Variants in CFAP47 observed in about 807,000 individuals in gnomAD.
CFAP47 encodes cilia- and flagella-associated protein 47.
CFAP47 carries 29 observed loss-of-function variants against 148.1 expected under a neutral mutation model. That is an observed-to-expected ratio of 0.20 (90% CI 0.15 to 0.27). CFAP47 has a LOEUF of 0.27. Among genes scored for constraint, CFAP47 ranks in the 10% least tolerant of loss-of-function variants. CFAP47 has a pLI of 1.00. For synonymous variants in CFAP47, 664 were observed against 577.3 expected, an observed-to-expected ratio of 1.15 and a Z score of -2.15; for missense variants, 1,872 against 1,697.5, an observed-to-expected ratio of 1.10 and a Z score of -1.81.
chrX:36,012,656 G>T (rs1937052491), intron 21 of CFAP47, among the ~76,000 whole-genome samples: 1 of 110,909 alleles, frequency 9.0e-6, no homozygotes, highest in South Asian at 3.8e-4. Context: ...ACACAGTGGG[G>T]CCTGTTGGTG....
At chrX:35,971,061 G>T (rs1183912430) in intron 11 of CFAP47, 138 bp downstream of exon 11, 1 of 457,193 alleles carries the variant, frequency 2.2e-6, no homozygotes, top group African/African-American at 2.5e-5. Context: ...AAAACACTGA[G>T]CTGCTTTAAC....
chrX:36,060,564 A>G (rs1937585823), intron 26 of CFAP47, among the ~76,000 whole-genome samples: 2 of 111,935 alleles, frequency 1.8e-5, no homozygotes, highest in African/African-American at 6.5e-5. Context: ...AAATGAACAT[A>G]TATTTCTATA....
At chrX:36,304,929 C>T (rs1556008546) in intron 54 of CFAP47, among the ~76,000 whole-genome samples, 1 of 111,559 alleles carries the variant, frequency 9.0e-6, no homozygotes, top group Non-Finnish European at 1.9e-5. Context: ...TTCAGGTAAC[C>T]ATCAAAATGA....
chrX:36,060,150 C>A (rs1369374574), intron 26 of CFAP47, among the ~76,000 whole-genome samples: 4 of 111,456 alleles, frequency 3.6e-5, no homozygotes. Context: ...TCAGGTGTTT[C>A]TTATAGAAAT....
chrX:36,184,935 G>GA (rs781889464), intron 40 of CFAP47, among the ~76,000 whole-genome samples: 101 of 82,262 alleles, frequency 1.2e-3, no homozygotes, highest in Middle Eastern at 6.5e-3. Flanking sequence ...CTTCGTCTCA[G>GA]AAAAAAAAAA....
In CFAP47 at chrX:35,941,372, C is replaced by A. The variant is rs904731400; in HGVS notation, c.491C>A (p.Thr164Asn). The A allele has an allele frequency of 9.0e-7, 1 of 1,111,903 alleles. No individual in the cohort carries two copies. Among genetic ancestry groups the A allele is most frequent in the Non-Finnish European group, 1.2e-6 (1 of 831,645 alleles). The allele number at this position is 1,111,903 out of a possible 1,213,427, so 91.6% of individuals were successfully genotyped here. ...AGTAAAGTATATTCTAAAGAGATTA[C>A]TATCACTAACCATGGCAAAGCTCCA... ...ANSKVYSKEI[T>N]ITNHGKAPGI... Residue 164 changes from threonine (T) to asparagine (N), a missense_variant, in exon 3 of 64, where the codon ACT becomes AAT. Physicochemically the swap from Thr to Asn is moderately conservative, Grantham distance 65. Transcript: ENST00000378653.
At chrX:36,170,091 G>C (rs1160073291) in intron 39 of CFAP47, among the ~76,000 whole-genome samples, 2 of 111,320 alleles carry the variant, frequency 1.8e-5, no homozygotes, top group African/African-American at 6.5e-5. Flanking sequence ...GAGGATGGGA[G>C]TTACAACACA....
intron 22 of CFAP47, among the ~76,000 whole-genome samples, chrX:36,030,060 A>G (rs949951590): frequency 3.6e-5 from 4 of 109,808 alleles, no homozygotes; most frequent in African/African-American, 1.3e-4. Context: ...TAGTTCTTTA[A>G]TATCTATTGA....
At chrX:35,977,452 G>A (rs1175905639) in intron 15 of CFAP47, among the ~76,000 whole-genome samples, 2 of 110,953 alleles carry the variant, frequency 1.8e-5, no homozygotes, top group East Asian at 5.7e-4. Context: ...ACGATCCTCA[G>A]AGTAATAACC....
chrX:35,941,244 T>C, intron 2 of CFAP47, 39 bp from the exon 3 acceptor site: 1 of 754,424 alleles, frequency 1.3e-6, no homozygotes, highest in East Asian at 3.4e-5. Flanking sequence ...CTCTTATGAT[T>C]GTTAAATTAA....
At chrX:36,227,656 G>A (rs1319071934) in intron 45 of CFAP47, among the ~76,000 whole-genome samples, 3 of 111,974 alleles carry the variant, frequency 2.7e-5, no homozygotes, top group African/African-American at 9.7e-5. Flanking sequence ...GCCATTTAAT[G>A]TCATAATATG....
At chrX:36,275,471 A>G (rs1358718711) in intron 49 of CFAP47, among the ~76,000 whole-genome samples, 3 of 104,750 alleles carry the variant, frequency 2.9e-5, no homozygotes, top group Non-Finnish European at 3.9e-5. Context: ...CCTACATTCT[A>G]TTACTGTGGT....
chrX:36,048,918 T>C (rs1937497823), intron 26 of CFAP47, among the ~76,000 whole-genome samples: 1 of 111,301 alleles, frequency 9.0e-6, no homozygotes, highest in African/African-American at 3.3e-5. Flanking sequence ...GTTTGGTGAA[T>C]TCTGGCAAGA....
intron 57 of CFAP47, among the ~76,000 whole-genome samples, chrX:36,322,257 C>T (rs897157871): frequency 2.3e-4 from 25 of 110,873 alleles, no homozygotes; most frequent in East Asian, 2.8e-4. Context: ...TATTTTATTT[C>T]TTTCTCTCTG....
chrX:36,034,834 A>G (rs1385475741), intron 23 of CFAP47, among the ~76,000 whole-genome samples: 1 of 111,308 alleles, frequency 9.0e-6, no homozygotes, highest in Non-Finnish European at 1.9e-5. Context: ...TTAGAAACCA[A>G]GGTCTAAGTA....
chrX:36,302,207 G>T (rs910065945), intron 53 of CFAP47, among the ~76,000 whole-genome samples: 4 of 110,132 alleles, frequency 3.6e-5, no homozygotes, highest in Admixed American at 9.8e-5. Flanking sequence ...ATGAAGTTTT[G>T]GTTATTTTCA....
chrX:36,045,584 C>T (rs1358993585), intron 25 of CFAP47, among the ~76,000 whole-genome samples: 1 of 111,195 alleles, frequency 9.0e-6, no homozygotes, highest in African/African-American at 3.3e-5. Context: ...CCATGGGGCT[C>T]GCTCAAAATG....
chrX:36,196,855 C>T (rs1253016732), intron 42 of CFAP47, among the ~76,000 whole-genome samples: 2 of 111,608 alleles, frequency 1.8e-5, no homozygotes, highest in Non-Finnish European at 1.9e-5. Flanking sequence ...TGATGACAAG[C>T]GTCTGCTAAG....
At chrX:36,052,220 T>C (rs1340258910) in intron 26 of CFAP47, among the ~76,000 whole-genome samples, 2 of 112,091 alleles carry the variant, frequency 1.8e-5, no homozygotes, top group Non-Finnish European at 3.8e-5. Context: ...GTACCTGATT[T>C]AGTTGTCCAC....
Sources: gnomAD v4.1 joint callset for allele counts (sites outside exome capture counted in the v4.1 genomes callset) on GRCh38, gnomAD v4.1.1 for gene constraint, MANE v1.5 for transcripts, NCBI Gene and HGNC (gene_info 2026-07-23, HGNC 2026-07-21) for gene names.